RAB23: variants seen among roughly 807,000 people sequenced by gnomAD.
RAB23 encodes ras-related protein Rab-23.
A neutral mutation model predicts 30.0 loss-of-function variants in RAB23; 15 were observed. The ratio of observed to expected loss-of-function variants is 0.50; its 90% CI spans 0.33 to 0.77. The LOEUF is 0.77. RAB23 is among the 30% of genes least tolerant of loss of function. The pLI is 0.02. For missense variants in RAB23, 243 were observed against 275.4 expected (o/e 0.88, Z 0.83); for synonymous variants, 93 against 94.0 (o/e 0.99, Z 0.06).
At chr6:57,197,029 TA>T (rs1221733913) in intron 3 of RAB23, among the ~76,000 whole-genome samples, 1 of 152,208 alleles carries the variant, frequency 6.6e-6, no homozygotes, top group Non-Finnish European at 1.5e-5. Flanking sequence ...ATTTGCTTCT[TA>T]ATTTCTTTCA....
intron 3 of RAB23, among the ~76,000 whole-genome samples, chr6:57,198,777 A>G (rs1196450666): frequency 6.6e-6 from 1 of 152,200 alleles, no homozygotes; most frequent in Non-Finnish European, 1.5e-5. Context: ...TTGAGGGCAC[A>G]ATAGGGTATT....
At chr6:57,217,726 CAAAAA>C (rs374472444) in intron 1 of RAB23, among the ~76,000 whole-genome samples, 1 of 146,240 alleles carries the variant, frequency 6.8e-6, no homozygotes, top group African/African-American at 2.5e-5. Context: ...CCAAAGCAAG[CAAAAA>C]AAAAGGAAGA....
intron 3 of RAB23, among the ~76,000 whole-genome samples, chr6:57,207,073 T>G (rs1765479552): frequency 6.6e-6 from 1 of 152,188 alleles, no homozygotes; most frequent in Admixed American, 6.5e-5. Context: ...AGGGCAAAAT[T>G]TTATAAGAAA....
At chr6:57,197,812 C>T (rs1261531618) in intron 3 of RAB23, among the ~76,000 whole-genome samples, 3 of 152,324 alleles carry the variant, frequency 2.0e-5, no homozygotes, top group East Asian at 1.9e-4. Flanking sequence ...GATCATGGCT[C>T]GCTGCAGCCT....
At position 57,221,835 on chromosome 6, in the gene RAB23, C is replaced by A. The variant is rs939684808; in HGVS notation, c.-175G>T. Reference sequence around the variant, plus strand: ...AGAGCCGGCGCTCGGCGGTCCGAACCGGGGGATGGGGGAGCCGGGCCGGGA... The same window carrying A: ...AGAGCCGGCGCTCGGCGGTCCGAACAGGGGGATGGGGGAGCCGGGCCGGGA... On this transcript the variant is annotated 5_prime_UTR_variant, in exon 1 of 7. Coordinates refer to ENST00000468148, the MANE Select transcript of RAB23 (RefSeq NM_016277.5). 3.3e-5 allele frequency: 5 copies of A among 152,506 alleles called. No individual in the cohort carries two copies. The highest frequency in any genetic ancestry group is 3.3e-4 in the Admixed American group (5 of 15,296). The allele number at this position is 152,506 out of a possible 1,614,324, so 9.4% of individuals were successfully genotyped here. A position where few individuals can be genotyped will look rare whatever the true frequency, so the allele number is the denominator to read the frequency against.
intron 1 of RAB23, among the ~76,000 whole-genome samples, chr6:57,219,173 T>C (rs1765960080): frequency 6.6e-6 from 1 of 152,258 alleles, no homozygotes; most frequent in Admixed American, 6.5e-5. Context: ...CAAAATTCAA[T>C]TGTATTTCTG....
chr6:57,196,928 G>A (rs1254192169), intron 3 of RAB23, among the ~76,000 whole-genome samples: 1 of 151,974 alleles, frequency 6.6e-6, no homozygotes, highest in Admixed American at 6.6e-5. Context: ...ATTCTTTTTG[G>A]AATACCATAA....
rs1272613249 is a variant in RAB23, at chr6:57,187,536, C to CA, written c.*2924dup. On this transcript the variant is annotated 3_prime_UTR_variant, in exon 7 of 7. Coordinates refer to ENST00000468148, the MANE Select transcript of RAB23 (RefSeq NM_016277.5). ...TCAATGCATTTTGTTTTCAGAGAAA[C>CA]AGACTAATGATAGATTAATGGGAAC... The CA allele has an allele frequency of 6.6e-6, 1 of 152,094 alleles. No homozygotes were observed. Among genetic ancestry groups the CA allele is most frequent in the Non-Finnish European group, 1.5e-5 (1 of 68,008 alleles). The allele number at this position is 152,094 out of a possible 1,614,324, so 9.4% of individuals were successfully genotyped here.
At chr6:57,203,256 G>A (rs1379670075) in intron 3 of RAB23, among the ~76,000 whole-genome samples, 2 of 152,056 alleles carry the variant, frequency 1.3e-5, no homozygotes, top group African/African-American at 2.4e-5. Flanking sequence ...CCTGCCGGCC[G>A]CAGCCTCCCA....
chr6:57,190,432 T>C lies in RAB23; in HGVS notation c.*29A>G. On this transcript the variant is annotated 3_prime_UTR_variant, in exon 7 of 7. Coordinates refer to ENST00000468148, the MANE Select transcript of RAB23 (RefSeq NM_016277.5). ...GGGTTTCTTAATGCATTGCACAATG[T>C]AATTCAATTGTTTTCCTCCCAAAAC... 6.2e-7 allele frequency: 1 copy of C among 1,612,312 alleles called. No homozygotes were observed. Among genetic ancestry groups the C allele is most frequent in the Non-Finnish European group, 8.5e-7 (1 of 1,178,452 alleles).
chr6:57,213,465 C>T lies in RAB23; in HGVS notation c.-65-3020G>A, dbSNP rs571236287. ...AGCTGTATCTCACACTGGTTCAGTTCCTAGAAAGCAACTTCCTTTCTCTAC... is the reference window on the plus strand; with the variant it reads ...AGCTGTATCTCACACTGGTTCAGTTTCTAGAAAGCAACTTCCTTTCTCTAC... On this transcript the variant is annotated intron_variant, in intron 1 of 6. Coordinates refer to ENST00000468148, the MANE Select transcript of RAB23 (RefSeq NM_016277.5). Among the ~76,000 whole-genome samples the T allele has an allele frequency of 1.8e-4, 28 of 152,254 alleles. No individual in the cohort carries two copies. The East Asian group carries it at 3.9e-3, about 21-fold the overall frequency.
chr6:57,218,008 C>T (rs762050981), intron 1 of RAB23, among the ~76,000 whole-genome samples: 15 of 152,206 alleles, frequency 9.9e-5, no homozygotes, highest in South Asian at 6.2e-4. Flanking sequence ...AAAGTATAAA[C>T]GACCATAATT....
At chr6:57,213,395 C>T (rs7765361) in intron 1 of RAB23, among the ~76,000 whole-genome samples, 3,852 of 152,220 alleles carry the variant, frequency 0.025, 164 homozygotes, top group African/African-American at 0.089. Context: ...TTAGGACACA[C>T]GGTCAAATAT....
chr6:57,220,200 A>G (rs1478485769), intron 1 of RAB23, among the ~76,000 whole-genome samples: 3 of 152,172 alleles, frequency 2.0e-5, no homozygotes, highest in Admixed American at 1.3e-4. Flanking sequence ...TAAAACCACA[A>G]GGAGATACCA....
intron 3 of RAB23, 139 bp downstream of exon 3, chr6:57,207,489 G>A (rs944582594): frequency 1.3e-5 from 8 of 626,944 alleles, no homozygotes; most frequent in Non-Finnish European, 8.4e-6. Context: ...TAATGAACTG[G>A]GGTTTTAAAA....
At chr6:57,196,229 C>A (rs540663721) in intron 4 of RAB23, among the ~76,000 whole-genome samples, 1 of 152,096 alleles carries the variant, frequency 6.6e-6, no homozygotes, top group Admixed American at 6.5e-5. Flanking sequence ...AAATTTTAAT[C>A]CTTTAATTTT....
At chr6:57,194,933 A>C (rs1049320704) in intron 4 of RAB23, 81 bp from the exon 5 acceptor site, 1 of 1,055,104 alleles carries the variant, frequency 9.5e-7, no homozygotes, top group Admixed American at 1.9e-5. Flanking sequence ...AATTACATTT[A>C]CTGAATACAG....
chr6:57,209,710 C>G (rs957654880), intron 2 of RAB23, among the ~76,000 whole-genome samples: 2 of 152,080 alleles, frequency 1.3e-5, no homozygotes, highest in African/African-American at 4.8e-5. Flanking sequence ...CTTTAGAATC[C>G]AAATGAATTT....
At chr6:57,217,560 G>A (rs1277839473) in intron 1 of RAB23, among the ~76,000 whole-genome samples, 5 of 152,116 alleles carry the variant, frequency 3.3e-5, no homozygotes, top group African/African-American at 1.2e-4. Context: ...CGCCCGCCGT[G>A]GCCTCCCAAA....
Sources: allele counts gnomAD v4.1 joint callset (sites outside exome capture counted in the v4.1 genomes callset), GRCh38; gene constraint gnomAD v4.1.1; transcripts MANE v1.5; gene names NCBI Gene and HGNC (gene_info 2026-07-23, HGNC 2026-07-21).